DPYSL3: variants seen among roughly 807,000 people sequenced by gnomAD.
The protein encoded by DPYSL3 is dihydropyrimidinase like 3.
Under a neutral mutation model 66.1 loss-of-function variants are expected in DPYSL3, and 16 were observed. The ratio of observed to expected loss-of-function variants is 0.24; its 90% CI spans 0.16 to 0.37. DPYSL3 has a LOEUF of 0.37. Ranked by LOEUF, DPYSL3 falls within the 10% of genes least tolerant of loss-of-function variation. DPYSL3 has a pLI of 1.00. For synonymous variants in DPYSL3, 338 were observed against 345.1 expected (o/e 0.98, Z 0.23); for missense variants, 738 against 916.2 (o/e 0.81, Z 2.51).
chr5:147,393,778 G>C lies in DPYSL3; in HGVS notation c.*257C>G, dbSNP rs140806749. Reference sequence around the variant, plus strand: ...TGATAGAGCAGACTCTTTTACCTTAGTGGCCTGTCTGATTGCATGCATGTA... The same window carrying C: ...TGATAGAGCAGACTCTTTTACCTTACTGGCCTGTCTGATTGCATGCATGTA... On this transcript the variant is annotated 3_prime_UTR_variant, in exon 14 of 14. Coordinates refer to ENST00000343218, the MANE Select transcript of DPYSL3 (RefSeq NM_001197294.2). 9.5e-5 allele frequency: 47 copies of C among 495,672 alleles called. No homozygotes were observed. In the East Asian group the frequency reaches 1.1e-3, roughly 12 times the overall value. 30.7% of individuals were successfully genotyped at this position (495,672 alleles called of 1,614,324 possible).
intron 1 of DPYSL3, among the ~76,000 whole-genome samples, chr5:147,476,688 A>G (rs1421281894): frequency 2.0e-5 from 3 of 152,110 alleles, no homozygotes; most frequent in Admixed American, 6.5e-5. Flanking sequence ...CATGGAGCTT[A>G]TTTTTCTTGG....
At chr5:147,449,992 T>C (rs1287664771) in intron 1 of DPYSL3, among the ~76,000 whole-genome samples, 2 of 152,198 alleles carry the variant, frequency 1.3e-5, no homozygotes, top group Non-Finnish European at 2.9e-5. Context: ...CTCCCAGCAG[T>C]GCAGATGGTC....
rs79071214 is a variant in DPYSL3 at position 147,414,583 on chromosome 5, C to T, written c.821-926G>A. On this transcript the variant is annotated intron_variant, in intron 4 of 13. Coordinates refer to ENST00000343218, the MANE Select transcript of DPYSL3 (RefSeq NM_001197294.2). ...CAGTCTTCCCAAACACTACCCTTCC[C>T]AAAAGCCTCTACATTATCCATGGAA... Among the ~76,000 whole-genome samples, 2,126 of 152,246 alleles carry T rather than the reference C, an allele frequency of 0.014. 133 individuals carry two copies. In the East Asian group the frequency reaches 0.19, roughly 14 times the overall value.
chr5:147,393,885 C>T lies in DPYSL3; in HGVS notation c.*150G>A, dbSNP rs1757889291. On this transcript the variant is annotated 3_prime_UTR_variant, in exon 14 of 14. Coordinates refer to ENST00000343218, the MANE Select transcript of DPYSL3 (RefSeq NM_001197294.2). Reference sequence around the variant, plus strand: ...ATATTCGTAAAGCTAGGCAAGCGAGCGTAACATTGGAGAAACATAAGGCTT... The same window carrying T: ...ATATTCGTAAAGCTAGGCAAGCGAGTGTAACATTGGAGAAACATAAGGCTT... 6.5e-6 allele frequency: 5 copies of T among 767,834 alleles called. No individual in the cohort carries two copies. In the East Asian group the frequency reaches 8.0e-5, roughly 12 times the overall value. 47.6% of individuals were successfully genotyped at this position (767,834 alleles called of 1,614,324 possible).
intron 1 of DPYSL3, among the ~76,000 whole-genome samples, chr5:147,461,329 A>C (rs1182809936): frequency 6.6e-6 from 1 of 152,206 alleles, no homozygotes. Flanking sequence ...TGCCTTATGC[A>C]AATGGCACAC....
At chr5:147,421,101 T>C (rs1752067995) in intron 2 of DPYSL3, among the ~76,000 whole-genome samples, 1 of 152,208 alleles carries the variant, frequency 6.6e-6, no homozygotes. Flanking sequence ...GACATAATTG[T>C]ATATTTAGAA....
At chr5:147,505,877 C>T (rs1266272659) in intron 1 of DPYSL3, among the ~76,000 whole-genome samples, 2 of 152,108 alleles carry the variant, frequency 1.3e-5, no homozygotes, top group African/African-American at 4.8e-5. Flanking sequence ...GACACGACGG[C>T]CAGGCTGGTC....
At position 147,482,311 on chromosome 5, in the gene DPYSL3, A is replaced by G. The variant is rs79690897; in HGVS notation, c.381+27167T>C. On this transcript the variant is annotated intron_variant, in intron 1 of 13. Transcript: ENST00000343218. The stretch of plus-strand genomic sequence containing the variant: ...TATAGATTTGAGGAAATCAGCTCAG[A>G]GAAGTAAAATGATTTGCTCAGGGGT... Among the ~76,000 whole-genome samples the G allele has an allele frequency of 6.1e-3, 935 of 152,326 alleles. 32 individuals are homozygous for G. In the East Asian group the frequency reaches 0.11, roughly 17 times the overall value.
intron 1 of DPYSL3, among the ~76,000 whole-genome samples, chr5:147,446,470 A>T (rs183864740): frequency 6.6e-6 from 1 of 152,362 alleles, no homozygotes; most frequent in African/African-American, 2.4e-5. Context: ...TAATTAGGCC[A>T]TGAGAAATGT....
At chr5:147,434,686 G>A (rs572031916) in intron 1 of DPYSL3, among the ~76,000 whole-genome samples, 9 of 140,368 alleles carry the variant, frequency 6.4e-5, no homozygotes, top group Non-Finnish European at 1.2e-4. Context: ...CTAAAATGAC[G>A]AAGAGTAAAA....
chr5:147,445,810 A>C (rs1310704435), intron 1 of DPYSL3, among the ~76,000 whole-genome samples: 4 of 152,194 alleles, frequency 2.6e-5, no homozygotes, highest in Non-Finnish European at 4.4e-5. Context: ...CCTTATCCTA[A>C]AGAAAGACTG....
At position 147,405,739 on chromosome 5, in the gene DPYSL3, A is replaced by T; in HGVS notation, c.1033-9T>A. ...ACAGCCTCAGCTTCCAGCTGCAAGA[A>T]AAAGTCTCCAGGAGTCAATAGAAAC... On this transcript the variant is annotated splice_polypyrimidine_tract_variant and intron_variant, in intron 7 of 13. Coordinates refer to ENST00000343218, the MANE Select transcript of DPYSL3 (RefSeq NM_001197294.2). 1 of 1,607,164 alleles carries T rather than the reference A, an allele frequency of 6.2e-7. No homozygotes were observed. The highest frequency in any genetic ancestry group is 1.1e-5 in the South Asian group (1 of 89,844).
chr5:147,424,586 G>A (rs937023294), intron 2 of DPYSL3, among the ~76,000 whole-genome samples: 4 of 151,998 alleles, frequency 2.6e-5, no homozygotes, highest in Admixed American at 6.6e-5. Flanking sequence ...CACTTATCCC[G>A]ACTTCAACTC....
chr5:147,395,897 T>C (rs1276445023), intron 12 of DPYSL3, among the ~76,000 whole-genome samples, 176 bp from the exon 13 acceptor site: 1 of 152,032 alleles, frequency 6.6e-6, no homozygotes, highest in Non-Finnish European at 1.5e-5. Context: ...GATGTGATGA[T>C]AGAGTGACAA....
At chr5:147,402,686 G>C (rs912875468) in intron 8 of DPYSL3, among the ~76,000 whole-genome samples, 7 of 151,958 alleles carry the variant, frequency 4.6e-5, no homozygotes, top group Non-Finnish European at 8.8e-5. Flanking sequence ...CTCCTAACAT[G>C]ATGACTTGGT....
chr5:147,447,229 A>C (rs1001450010), intron 1 of DPYSL3, among the ~76,000 whole-genome samples: 1 of 152,200 alleles, frequency 6.6e-6, no homozygotes, highest in Admixed American at 6.5e-5. Context: ...AATCTAATTA[A>C]CAGAAGAAAG....
chr5:147,442,171 AAC>A (rs1752544670), intron 1 of DPYSL3, among the ~76,000 whole-genome samples: 1 of 152,246 alleles, frequency 6.6e-6, no homozygotes, highest in South Asian at 2.1e-4. Context: ...TTTAAAAACA[AAC>A]ACACATACAC....
At chr5:147,459,802 C>G (rs1752906033) in intron 1 of DPYSL3, among the ~76,000 whole-genome samples, 2 of 152,162 alleles carry the variant, frequency 1.3e-5, no homozygotes, top group South Asian at 4.1e-4. Flanking sequence ...AAGCCAAAGG[C>G]TAGAGTTAGA....
intron 9 of DPYSL3, 23 bp downstream of exon 9, chr5:147,401,517 C>T: frequency 6.3e-7 from 1 of 1,596,732 alleles, no homozygotes; most frequent in Non-Finnish European, 8.5e-7. Context: ...AAAACGCCTG[C>T]TGCTGGGCAT....
Sources: allele counts gnomAD v4.1 joint callset (sites outside exome capture counted in the v4.1 genomes callset), GRCh38; gene constraint gnomAD v4.1.1; transcripts MANE v1.5; gene names NCBI Gene and HGNC (gene_info 2026-07-23, HGNC 2026-07-21).